Variants in POFUT3 observed in about 807,000 individuals in gnomAD.
The protein encoded by POFUT3 is protein O-fucosyltransferase 3, also known as GDP-fucose protein O-fucosyltransferase 3.
chr8:33,387,295 G>T, the POFUT3 span, among the ~76,000 whole-genome samples: 1 of 151,898 alleles, frequency 6.6e-6, no homozygotes. Context: ...CAAGAAAGAA[G>T]AATTTAAATT....
chr8:33,312,080 G>A, the POFUT3 span, among the ~76,000 whole-genome samples: 2 of 151,978 alleles, frequency 1.3e-5, no homozygotes, highest in Non-Finnish European at 2.9e-5. Context: ...TGGCCAATGT[G>A]GTGAAACCCC....
the POFUT3 span, among the ~76,000 whole-genome samples, chr8:33,393,779 T>C: frequency 6.6e-6 from 1 of 152,140 alleles, no homozygotes; most frequent in African/African-American, 2.4e-5. Flanking sequence ...TCTTGGTACT[T>C]GCAATTACAC....
At chr8:33,448,185 A>ATT in the POFUT3 span, among the ~76,000 whole-genome samples, 3 of 146,726 alleles carry the variant, frequency 2.0e-5, no homozygotes, top group Non-Finnish European at 4.6e-5. Flanking sequence ...TACAAAAAAA[A>ATT]ATTTTTTTTT....
the POFUT3 span, chr8:33,452,380 T>C: frequency 6.6e-6 from 1 of 152,162 alleles, no homozygotes; most frequent in Non-Finnish European, 1.5e-5. Context: ...TTTAATCATT[T>C]TTCTGTTATT....
chr8:33,334,470 G>A, the POFUT3 span, among the ~76,000 whole-genome samples: 2 of 152,198 alleles, frequency 1.3e-5, no homozygotes, highest in African/African-American at 4.8e-5. Flanking sequence ...TGCCTGCCTC[G>A]GCCTCCTAAA....
the POFUT3 span, among the ~76,000 whole-genome samples, chr8:33,341,695 A>G: frequency 1.3e-5 from 2 of 152,142 alleles, no homozygotes; most frequent in Non-Finnish European, 2.9e-5. Context: ...AGATAAATCT[A>G]AAGCAAACAG....
the POFUT3 span, among the ~76,000 whole-genome samples, chr8:33,437,612 A>T: frequency 6.6e-6 from 1 of 152,086 alleles, no homozygotes; most frequent in Non-Finnish European, 1.5e-5. Context: ...GGAGTTTGAG[A>T]CCAGCCTGGC....
At chr8:33,374,481 G>A in the POFUT3 span, among the ~76,000 whole-genome samples, 4 of 152,110 alleles carry the variant, frequency 2.6e-5, no homozygotes, top group Non-Finnish European at 4.4e-5. Flanking sequence ...AATGAAACGT[G>A]ATGGTTTAAT....
At chr8:33,463,651 C>G in the POFUT3 span, among the ~76,000 whole-genome samples, 1 of 152,118 alleles carries the variant, frequency 6.6e-6, no homozygotes, top group Non-Finnish European at 1.5e-5. Context: ...CTCAAGCAGT[C>G]CTCCCACCTC....
the POFUT3 span, among the ~76,000 whole-genome samples, chr8:33,336,310 G>A: frequency 6.6e-6 from 1 of 152,136 alleles, no homozygotes; most frequent in African/African-American, 2.4e-5. Context: ...CCCACCCTAA[G>A]GCATTTCCAC....
the POFUT3 span, among the ~76,000 whole-genome samples, chr8:33,390,910 C>T: frequency 6.6e-6 from 1 of 152,024 alleles, no homozygotes; most frequent in African/African-American, 2.4e-5. Context: ...GGTGGAGATC[C>T]AATCAGGGAG....
chr8:33,414,325 T>C, the POFUT3 span, among the ~76,000 whole-genome samples: 1 of 152,150 alleles, frequency 6.6e-6, no homozygotes, highest in African/African-American at 2.4e-5. Flanking sequence ...CCCCCAGAGC[T>C]CAGAGGAACT....
chr8:33,309,950 A>G, the POFUT3 span, among the ~76,000 whole-genome samples: 1 of 152,150 alleles, frequency 6.6e-6, no homozygotes, highest in Non-Finnish European at 1.5e-5. Context: ...TCTCCTGCTG[A>G]ATTTCCAACC....
chr8:33,437,226 C>T, the POFUT3 span, among the ~76,000 whole-genome samples: 89,232 of 151,746 alleles, frequency 0.59, 26,522 homozygotes, highest in African/African-American at 0.63. Flanking sequence ...GATGAACATG[C>T]GAGTGCATTA....
At chr8:33,408,023 A>G in the POFUT3 span, among the ~76,000 whole-genome samples, 59 of 151,230 alleles carry the variant, frequency 3.9e-4, no homozygotes, top group African/African-American at 1.3e-3. Context: ...AAAGAAAGAA[A>G]GAAAAAAACA....
chr8:33,368,262 G>T, the POFUT3 span, among the ~76,000 whole-genome samples: 21 of 152,128 alleles, frequency 1.4e-4, no homozygotes, highest in Non-Finnish European at 2.5e-4. Context: ...CAGAGGCTTG[G>T]CTGTTAAGTC....
chr8:33,329,638 AAG>A, the POFUT3 span, among the ~76,000 whole-genome samples: 2 of 152,202 alleles, frequency 1.3e-5, no homozygotes, highest in African/African-American at 4.8e-5. Flanking sequence ...ACAGAGAAGG[AAG>A]AGAGAGGCGC....
the POFUT3 span, among the ~76,000 whole-genome samples, chr8:33,399,098 T>G: frequency 2.6e-5 from 4 of 152,192 alleles, no homozygotes; most frequent in Admixed American, 2.6e-4. Context: ...ATCTGTATAT[T>G]GCAAATCTTT....
At chr8:33,329,273 G>T in the POFUT3 span, among the ~76,000 whole-genome samples, 1 of 152,194 alleles carries the variant, frequency 6.6e-6, no homozygotes, top group Non-Finnish European at 1.5e-5. Flanking sequence ...TATTGCTATT[G>T]ATTGGGCATA....
Sources: gnomAD v4.1 joint callset for allele counts (sites outside exome capture counted in the v4.1 genomes callset) on GRCh38, gnomAD v4.1.1 for gene constraint, MANE v1.5 for transcripts, NCBI Gene and HGNC (gene_info 2026-07-23, HGNC 2026-07-21) for gene names.